Variants in XPO7 observed in about 807,000 individuals in gnomAD.
The protein encoded by XPO7 is exportin 7.
Under a neutral mutation model 144.3 loss-of-function variants are expected in XPO7, and 21 were observed. That is an observed-to-expected ratio of 0.15 (90% CI 0.10 to 0.21). The LOEUF (loss-of-function observed/expected upper bound fraction) is 0.21, where lower values mean the gene tolerates loss of function less well. Ranked by LOEUF, XPO7 falls within the 10% of genes least tolerant of loss-of-function variation. The probability of loss-of-function intolerance (pLI) is 1.00; values close to 1 mark genes in which losing one functional copy is unlikely to be tolerated. For missense variants in XPO7, 808 were observed against 1,325.8 expected, an observed-to-expected ratio of 0.61 and a Z score of 6.06; for synonymous variants, 580 against 499.6, an observed-to-expected ratio of 1.16 and a Z score of -2.15.
chr8:21,929,332 G>T (rs556743134), intron 1 of XPO7, among the ~76,000 whole-genome samples: 1 of 152,210 alleles, frequency 6.6e-6, no homozygotes, highest in East Asian at 1.9e-4. Context: ...TCTCAGATGT[G>T]TGTGAATGCA....
intron 16 of XPO7, among the ~76,000 whole-genome samples, chr8:21,989,578 G>A (rs920073875): frequency 6.6e-6 from 1 of 152,134 alleles, no homozygotes; most frequent in Admixed American, 6.6e-5. Flanking sequence ...GGTAAACCCT[G>A]TAAAATTATT....
At chr8:21,949,002 T>C (rs1659551469) in intron 1 of XPO7, among the ~76,000 whole-genome samples, 1 of 152,218 alleles carries the variant, frequency 6.6e-6, no homozygotes, top group Non-Finnish European at 1.5e-5. Context: ...TGTGGGCTTC[T>C]GGCAGCAATC....
chr8:21,995,577 A>C lies in XPO7; in HGVS notation c.2323A>C (p.Met775Leu), dbSNP rs759062692. Reference sequence around the variant, plus strand: ...CTGTACTACACCTGTACTCAAGTTGATGGCTGAATTGGTTCATAATAGGTA... The same window carrying C: ...CTGTACTACACCTGTACTCAAGTTGCTGGCTGAATTGGTTCATAATAGGTA... ...PACTTPVLKL[M>L]AELVHNRSQR... Residue 775 changes from methionine (M) to leucine (L), a missense_variant, in exon 21 of 28, where the codon ATG becomes CTG. This residue lies in a region of XPO7 where 416 missense variants were observed against 612.5 expected (regional missense o/e 0.68). Transcript: ENST00000252512. The C allele has an allele frequency of 6.2e-7, 1 of 1,605,266 alleles. No individual in the cohort carries two copies. The highest frequency in any genetic ancestry group is 8.5e-7 in the Non-Finnish European group (1 of 1,175,374).
At chr8:21,987,659 A>G (rs1342386587) in intron 14 of XPO7, 125 bp from the exon 15 acceptor site, 12 of 1,049,914 alleles carry the variant, frequency 1.1e-5, no homozygotes, top group Non-Finnish European at 1.7e-5. Context: ...TCCCTTCAGT[A>G]AAGTCCTCTC....
At chr8:21,996,922 C>A (rs1812968981) in intron 21 of XPO7, among the ~76,000 whole-genome samples, 1 of 152,160 alleles carries the variant, frequency 6.6e-6, no homozygotes, top group African/African-American at 2.4e-5. Flanking sequence ...GATTCTCCTG[C>A]CTCAGCCTCC....
chr8:21,967,462 C>T (rs1368889957), intron 2 of XPO7, among the ~76,000 whole-genome samples: 1 of 152,156 alleles, frequency 6.6e-6, no homozygotes, highest in Non-Finnish European at 1.5e-5. Flanking sequence ...TCCCGAGTAG[C>T]TGGGATCACA....
chr8:21,932,417 G>C (rs1230757492), intron 1 of XPO7, among the ~76,000 whole-genome samples: 2 of 152,204 alleles, frequency 1.3e-5, no homozygotes, highest in African/African-American at 4.8e-5. Flanking sequence ...GTTTGTCAGA[G>C]GGTAAATATG....
intron 1 of XPO7, among the ~76,000 whole-genome samples, chr8:21,932,573 G>A (rs969802151): frequency 2.6e-5 from 4 of 151,900 alleles, no homozygotes; most frequent in Admixed American, 2.6e-4. Flanking sequence ...AAGTACACGT[G>A]GTGTTTTGGG....
chr8:21,994,841 CAGG>C (rs1563337233), intron 20 of XPO7, among the ~76,000 whole-genome samples: 1 of 152,062 alleles, frequency 6.6e-6, no homozygotes, highest in Non-Finnish European at 1.5e-5. Context: ...ATCACGAGGT[CAGG>C]AGATCGAGAC....
intron 1 of XPO7, among the ~76,000 whole-genome samples, chr8:21,961,601 T>C (rs1811727859): frequency 6.6e-6 from 1 of 152,150 alleles, no homozygotes; most frequent in African/African-American, 2.4e-5. Flanking sequence ...TTCTGGTTGT[T>C]CCACATGCTA....
In XPO7 at chr8:21,966,846, A is replaced by G; in HGVS notation, c.19-11A>G. 1 of 1,608,328 alleles carries G rather than the reference A, an allele frequency of 6.2e-7. No individual in the cohort carries two copies. On this transcript the variant is annotated splice_polypyrimidine_tract_variant and intron_variant, in intron 1 of 27. Transcript: ENST00000252512. ...GCTGAACTGTTTTCTTTCCTGACTGATCTTTTCCAGAGCCTGGCCCAACTA... is the reference window on the plus strand; with the variant it reads ...GCTGAACTGTTTTCTTTCCTGACTGGTCTTTTCCAGAGCCTGGCCCAACTA...
At chr8:21,977,887 A>G in intron 8 of XPO7, 44 bp downstream of exon 8, 1 of 1,535,394 alleles carries the variant, frequency 6.5e-7, no homozygotes, top group Non-Finnish European at 9.0e-7. Flanking sequence ...TATTCATAGA[A>G]GATAGCAATG....
In XPO7 at chr8:21,987,022, G is replaced by C. The variant is rs531047521; in HGVS notation, c.1578-119G>C. On this transcript the variant is annotated intron_variant, in intron 13 of 27. Transcript: ENST00000252512. Reference sequence around the variant, plus strand: ...TCCCTCATTTATGTAGATGAATTTGGTTGCAGGAGGTTGCTGTACCCAAGT... The same window carrying C: ...TCCCTCATTTATGTAGATGAATTTGCTTGCAGGAGGTTGCTGTACCCAAGT... 321 of 1,413,392 alleles carry C rather than the reference G, an allele frequency of 2.3e-4. 1 individual carries two copies. In the African/African-American group the frequency reaches 3.9e-3, roughly 17 times the overall value. The allele number at this position is 1,413,392 out of a possible 1,614,324, so 87.6% of individuals were successfully genotyped here.
intron 1 of XPO7, among the ~76,000 whole-genome samples, chr8:21,963,459 G>GC (rs972767323): frequency 2.6e-5 from 4 of 152,186 alleles, no homozygotes; most frequent in African/African-American, 9.7e-5. Context: ...ACTTTGGGAG[G>GC]CCAAGCCAGG....
chr8:21,945,565 G>C (rs550470576), intron 1 of XPO7, among the ~76,000 whole-genome samples: 12 of 152,206 alleles, frequency 7.9e-5, no homozygotes, highest in African/African-American at 2.9e-4. Flanking sequence ...CATGTGGCAT[G>C]GTACGTTATC....
Position 21,976,535 on chromosome 8 carries a change from C to T in XPO7, c.763+14C>T, listed in dbSNP as rs757857033. 2 of 1,605,844 alleles carry T rather than the reference C, an allele frequency of 1.2e-6. No individual in the cohort carries two copies. The highest frequency in any genetic ancestry group is 1.1e-5 in the South Asian group (1 of 89,886). ...GCTGGAGATCAGGTAACAGAACTTC[C>T]TCCACCTCAAAGGCTGTCTGTCACT... On this transcript the variant is annotated intron_variant, in intron 7 of 27. Transcript: ENST00000252512.
At chr8:21,947,694 A>C (rs1563317009) in intron 1 of XPO7, among the ~76,000 whole-genome samples, 1 of 152,220 alleles carries the variant, frequency 6.6e-6, no homozygotes, top group Non-Finnish European at 1.5e-5. Flanking sequence ...CACTAATCAT[A>C]AAGGAAAATA....
In XPO7 at chr8:21,961,965, A is replaced by G. The variant is rs377334981; in HGVS notation, c.19-4892A>G. Among the ~76,000 whole-genome samples the G allele has an allele frequency of 8.5e-5, 13 of 152,278 alleles. No homozygotes were observed. In the East Asian group the frequency reaches 1.4e-3, roughly 16 times the overall value. ...GGCATGAGCCACCACGCCCTGCCTCATTTTAGTCATTCTAATGGCTATCTC... is the reference window on the plus strand; with the variant it reads ...GGCATGAGCCACCACGCCCTGCCTCGTTTTAGTCATTCTAATGGCTATCTC... On this transcript the variant is annotated intron_variant, in intron 1 of 27. Transcript: ENST00000252512.
At chr8:21,982,593 C>A (rs371905767) in intron 10 of XPO7, 47 bp from the exon 11 acceptor site, 3 of 1,527,412 alleles carry the variant, frequency 2.0e-6, no homozygotes, top group Admixed American at 2.2e-5. Context: ...GGGACTAACA[C>A]GTACAGAAAT....
Sources: gnomAD v4.1 joint callset for allele counts (sites outside exome capture counted in the v4.1 genomes callset) on GRCh38, gnomAD v4.1.1 for gene constraint, gnomAD v4.1.1 regional missense constraint, MANE v1.5 for transcripts, NCBI Gene and HGNC (gene_info 2026-07-23, HGNC 2026-07-21) for gene names.